Variants in UBE2Q2 observed in about 807,000 individuals in gnomAD.
The protein encoded by UBE2Q2 is ubiquitin-conjugating enzyme E2 Q2.
UBE2Q2 carries 54 observed loss-of-function variants against 59.9 expected under a neutral mutation model. That is an observed-to-expected ratio of 0.90 (90% CI 0.72 to 1.13). The LOEUF (loss-of-function observed/expected upper bound fraction) is 1.13, where lower values mean the gene tolerates loss of function less well. Ranked by LOEUF, UBE2Q2 falls within the 50% of genes most tolerant of loss-of-function variation. UBE2Q2 has a pLI of 0.00. For synonymous variants in UBE2Q2, 165 were observed against 155.2 expected, an observed-to-expected ratio of 1.06 and a Z score of -0.47; for missense variants, 433 against 441.9, an observed-to-expected ratio of 0.98 and a Z score of 0.18.
intron 2 of UBE2Q2, among the ~76,000 whole-genome samples, chr15:75,856,420 A>G (rs1172734740): frequency 6.6e-6 from 1 of 152,078 alleles, no homozygotes; most frequent in Non-Finnish European, 1.5e-5. Flanking sequence ...GTTCAATAAA[A>G]TGTTGTATAC....
chr15:75,866,641 T>C (rs1897497929), intron 3 of UBE2Q2, among the ~76,000 whole-genome samples: 1 of 152,190 alleles, frequency 6.6e-6, no homozygotes, highest in African/African-American at 2.4e-5. Flanking sequence ...ACATCTCTTC[T>C]GTTTTCTCCC....
chr15:75,886,370 T>C (rs1394628847), intron 9 of UBE2Q2, among the ~76,000 whole-genome samples: 1 of 152,048 alleles, frequency 6.6e-6, no homozygotes, highest in Non-Finnish European at 1.5e-5. Context: ...TCCACCCACC[T>C]GGGCCTCCCA....
intron 3 of UBE2Q2, among the ~76,000 whole-genome samples, chr15:75,864,789 GTTTTC>G (rs3040996): frequency 0.016 from 2,438 of 151,946 alleles, 59 homozygotes; most frequent in African/African-American, 0.055. Flanking sequence ...TAAATCTAGT[GTTTTC>G]TTTTTCATTT....
intron 9 of UBE2Q2, among the ~76,000 whole-genome samples, chr15:75,887,427 AAG>A (rs1286891342): frequency 6.6e-6 from 1 of 152,170 alleles, no homozygotes; most frequent in Non-Finnish European, 1.5e-5. Flanking sequence ...TTATCTAGGA[AAG>A]AGAATGAGAT....
intron 4 of UBE2Q2, among the ~76,000 whole-genome samples, chr15:75,869,305 T>A (rs1199528293): frequency 6.6e-6 from 1 of 152,234 alleles, no homozygotes; most frequent in African/African-American, 2.4e-5. Context: ...TATTTGGTTA[T>A]TTTTAGGAAG....
In UBE2Q2 at chr15:75,843,603, G is replaced by C. The variant is rs562905068; in HGVS notation, c.-64G>C. On this transcript the variant is annotated 5_prime_UTR_variant, in exon 1 of 13. Transcript: ENST00000267938. ...GGTCGCGGCCGTGACGGCGGCTCCG[G>C]GCCCGGCTCCCCTTCCGCGCCCGGC... 1 of 1,454,402 alleles carries C rather than the reference G, an allele frequency of 6.9e-7. No individual in the cohort carries two copies. Among genetic ancestry groups the C allele is most frequent in the Non-Finnish European group, 9.2e-7 (1 of 1,090,190 alleles). 90.1% of individuals were successfully genotyped at this position (1,454,402 alleles called of 1,614,324 possible).
chr15:75,847,356 A>G (rs1333254532), intron 1 of UBE2Q2, among the ~76,000 whole-genome samples: 2 of 152,192 alleles, frequency 1.3e-5, no homozygotes, highest in African/African-American at 4.8e-5. Flanking sequence ...AAGTCTGTAA[A>G]TTGACTTCAT....
Position 75,858,034 on chromosome 15 carries a change from A to G in UBE2Q2, c.283-1844A>G, listed in dbSNP as rs147300807. Among the ~76,000 whole-genome samples the G allele has an allele frequency of 4.5e-3, 681 of 152,266 alleles. 13 individuals carry two copies. The highest frequency in any genetic ancestry group is 0.015 in the African/African-American group (642 of 41,538). ...GCATGTCCCTGTCCTCTGGGAACTG[A>G]TAATCTAATGGAACTTCCATCTGAT... On this transcript the variant is annotated intron_variant, in intron 2 of 12. Transcript: ENST00000267938.
chr15:75,873,655 C>A, intron 5 of UBE2Q2, 87 bp downstream of exon 5: 1 of 1,403,198 alleles, frequency 7.1e-7, no homozygotes, highest in Non-Finnish European at 9.7e-7. Context: ...ATGCCCATCT[C>A]AGCTGCCCTC....
intron 10 of UBE2Q2, 148 bp downstream of exon 10, chr15:75,890,631 G>A: frequency 1.3e-6 from 1 of 770,892 alleles, no homozygotes; most frequent in Non-Finnish European, 2.1e-6. Flanking sequence ...GAATGAAAAA[G>A]GTAAACCAAT....
chr15:75,894,158 T>G (rs1268824970), intron 11 of UBE2Q2, among the ~76,000 whole-genome samples: 1 of 152,194 alleles, frequency 6.6e-6, no homozygotes, highest in Admixed American at 6.5e-5. Flanking sequence ...AATGCAATCA[T>G]TACTTATCAG....
At chr15:75,888,606 GAAT>G (rs1013730258) in intron 9 of UBE2Q2, among the ~76,000 whole-genome samples, 37 of 152,286 alleles carry the variant, frequency 2.4e-4, no homozygotes, top group Admixed American at 2.2e-3. Context: ...AGAGCAGTAA[GAAT>G]TTGGAACACT....
intron 8 of UBE2Q2, among the ~76,000 whole-genome samples, chr15:75,881,997 A>G (rs945470028): frequency 4.6e-5 from 7 of 152,180 alleles, no homozygotes; most frequent in African/African-American, 9.7e-5. Context: ...AGAGGAGAAC[A>G]TGAGGGTTGA....
intron 9 of UBE2Q2, among the ~76,000 whole-genome samples, chr15:75,887,402 A>C (rs1177498127): frequency 6.6e-6 from 1 of 152,180 alleles, no homozygotes; most frequent in African/African-American, 2.4e-5. Flanking sequence ...ATAGGTGAAA[A>C]GTAAACACAA....
intron 3 of UBE2Q2, among the ~76,000 whole-genome samples, chr15:75,862,421 T>C (rs1056566378): frequency 1.4e-5 from 2 of 146,784 alleles, no homozygotes; most frequent in African/African-American, 5.0e-5. Context: ...ATTTTGGTCT[T>C]TTTTTTTTTT....
chr15:75,876,007 G>A (rs1414392319), intron 5 of UBE2Q2, among the ~76,000 whole-genome samples, 180 bp from the exon 6 acceptor site: 1 of 146,602 alleles, frequency 6.8e-6, no homozygotes, highest in African/African-American at 2.5e-5. Context: ...GGAGGTTGCA[G>A]TGAACTGAGA....
At position 75,843,476 on chromosome 15, in the gene UBE2Q2, C is replaced by G. The variant is rs572885667; in HGVS notation, c.-191C>G. ...GAGTCGGTTACAAAGGAAGCGCCAC[C>G]CAGGCCGCCACACGCCGAGGCTTCC... On this transcript the variant is annotated 5_prime_UTR_variant, in exon 1 of 13. Coordinates refer to ENST00000267938, the MANE Select transcript of UBE2Q2 (RefSeq NM_173469.4). 2 of 269,478 alleles carry G rather than the reference C, an allele frequency of 7.4e-6. No homozygotes were observed. The highest frequency in any genetic ancestry group is 8.2e-5 in the East Asian group (1 of 12,240). The allele number at this position is 269,478 out of a possible 1,614,324, so 16.7% of individuals were successfully genotyped here.
intron 8 of UBE2Q2, among the ~76,000 whole-genome samples, chr15:75,881,498 G>A (rs1898426205): frequency 6.6e-6 from 1 of 152,144 alleles, no homozygotes; most frequent in African/African-American, 2.4e-5. Context: ...CTTTTCTGGG[G>A]TTGGAGTATT....
chr15:75,890,216 A>G (rs1899016582), intron 9 of UBE2Q2, among the ~76,000 whole-genome samples: 1 of 152,202 alleles, frequency 6.6e-6, no homozygotes, highest in Non-Finnish European at 1.5e-5. Context: ...AAGAACCATT[A>G]GAAAAAATTG....
Sources: allele counts gnomAD v4.1 joint callset (sites outside exome capture counted in the v4.1 genomes callset), GRCh38; gene constraint gnomAD v4.1.1; transcripts MANE v1.5; gene names NCBI Gene and HGNC (gene_info 2026-07-23, HGNC 2026-07-21).